CSMD3: variants seen among roughly 807,000 people sequenced by gnomAD.
CSMD3 encodes CUB and Sushi multiple domains 3.
In CSMD3, 177 loss-of-function variants were observed where a neutral mutation model predicts 435.2. That is an observed-to-expected ratio of 0.41 (90% CI 0.36 to 0.46). The LOEUF (loss-of-function observed/expected upper bound fraction) is 0.46. Among genes scored for constraint, CSMD3 ranks in the 20% least tolerant of loss-of-function variants. The pLI is 0.34. For synonymous variants in CSMD3, 1,656 were observed against 1,520.5 expected, an observed-to-expected ratio of 1.09 and a Z score of -2.07; for missense variants, 4,265 against 4,504.6, an observed-to-expected ratio of 0.95 and a Z score of 1.52.
chr8:112,405,038 T>C (rs1441494854), intron 35 of CSMD3, among the ~76,000 whole-genome samples: 1 of 150,286 alleles, frequency 6.7e-6, no homozygotes, highest in African/African-American at 2.5e-5. Flanking sequence ...AATACAAAAA[T>C]TAGCTGGGCA....
chr8:113,228,544 A>C (rs2093052079), intron 3 of CSMD3, among the ~76,000 whole-genome samples: 1 of 151,426 alleles, frequency 6.6e-6, no homozygotes, highest in African/African-American at 2.4e-5. Context: ...AGGGATTTGA[A>C]CTTCCCCTTT....
chr8:113,135,014 T>C (rs1480449), intron 4 of CSMD3, among the ~76,000 whole-genome samples: 3,646 of 152,140 alleles, frequency 0.024, 74 homozygotes, highest in Middle Eastern at 0.048. Context: ...TCCAGTCTCA[T>C]GAGAAAAATA....
intron 61 of CSMD3, among the ~76,000 whole-genome samples, chr8:112,259,906 T>G (rs1404373179): frequency 6.6e-6 from 1 of 152,168 alleles, no homozygotes; most frequent in African/African-American, 2.4e-5. Context: ...CTAACCTACT[T>G]CTGAAGTGTT....
chr8:112,996,784 G>C (rs1404203248), intron 6 of CSMD3, among the ~76,000 whole-genome samples: 1 of 151,140 alleles, frequency 6.6e-6, no homozygotes, highest in Non-Finnish European at 1.5e-5. Flanking sequence ...TAATTCAAAG[G>C]GTTAAATTTA....
At chr8:112,225,000 T>C in intron 70 of CSMD3, 70 bp from the exon 71 acceptor site, 3 of 1,373,998 alleles carry the variant, frequency 2.2e-6, no homozygotes, top group Non-Finnish European at 2.1e-6. Flanking sequence ...AGCTCAAACA[T>C]AATGTACATC....
At chr8:112,897,684 C>G (rs1339238647) in intron 10 of CSMD3, among the ~76,000 whole-genome samples, 4,023 of 87,166 alleles carry the variant, frequency 0.046, 186 homozygotes, top group African/African-American at 0.16. Context: ...CTCTCTCTCT[C>G]TCTCTCTCTC....
At chr8:113,397,277 T>A (rs1195154281) in intron 1 of CSMD3, among the ~76,000 whole-genome samples, 1 of 152,156 alleles carries the variant, frequency 6.6e-6, no homozygotes, top group Non-Finnish European at 1.5e-5. Flanking sequence ...ATGGAGCAAC[T>A]TTTCATGTGT....
intron 5 of CSMD3, among the ~76,000 whole-genome samples, chr8:113,095,145 T>C (rs1046032706): frequency 2.0e-5 from 3 of 152,132 alleles, no homozygotes; most frequent in Admixed American, 6.6e-5. Context: ...AATTTATTCA[T>C]AATATCTGTT....
At chr8:112,524,781 T>C (rs1824685083) in intron 27 of CSMD3, among the ~76,000 whole-genome samples, 1 of 151,960 alleles carries the variant, frequency 6.6e-6, no homozygotes, top group Admixed American at 6.6e-5. Flanking sequence ...ATAAAATAAT[T>C]TCTAAAAAAT....
intron 32 of CSMD3, among the ~76,000 whole-genome samples, chr8:112,467,367 G>C (rs1344655629): frequency 1.3e-5 from 2 of 152,150 alleles, no homozygotes; most frequent in Non-Finnish European, 2.9e-5. Flanking sequence ...TATCTGGAAT[G>C]CTAAACATGA....
At chr8:112,930,853 A>G (rs2083083309) in intron 9 of CSMD3, among the ~76,000 whole-genome samples, 2 of 152,064 alleles carry the variant, frequency 1.3e-5, no homozygotes, top group Admixed American at 6.6e-5. Context: ...TTAAACACTG[A>G]CTACCTATGT....
At chr8:113,429,751 G>A (rs1055371481) in intron 1 of CSMD3, among the ~76,000 whole-genome samples, 3 of 152,092 alleles carry the variant, frequency 2.0e-5, no homozygotes, top group Admixed American at 1.3e-4. Context: ...AGGTAAAGTA[G>A]AAAAAGAATT....
intron 22 of CSMD3, among the ~76,000 whole-genome samples, chr8:112,631,221 C>A (rs1354868612): frequency 6.6e-6 from 1 of 151,994 alleles, no homozygotes; most frequent in African/African-American, 2.4e-5. Flanking sequence ...CAGCCATATC[C>A]AGATTATTGT....
intron 27 of CSMD3, among the ~76,000 whole-genome samples, chr8:112,536,946 A>G (rs1826159129): frequency 6.6e-6 from 1 of 151,668 alleles, no homozygotes; most frequent in African/African-American, 2.4e-5. Flanking sequence ...GCATATTCTC[A>G]CTCGTAGGTG....
chr8:112,767,714 C>G (rs992916958), intron 13 of CSMD3, among the ~76,000 whole-genome samples: 1 of 151,738 alleles, frequency 6.6e-6, no homozygotes, highest in Non-Finnish European at 1.5e-5. Context: ...TCCAACTCTT[C>G]TGTATATGAT....
At chr8:112,258,301 G>C (rs1161955855) in intron 61 of CSMD3, among the ~76,000 whole-genome samples, 2 of 152,150 alleles carry the variant, frequency 1.3e-5, no homozygotes, top group Non-Finnish European at 2.9e-5. Flanking sequence ...AAACTGAAAA[G>C]CTTCTGCACA....
chr8:113,394,719 AT>A (rs2094475468), intron 1 of CSMD3, among the ~76,000 whole-genome samples: 1 of 152,192 alleles, frequency 6.6e-6, no homozygotes, highest in African/African-American at 2.4e-5. Flanking sequence ...AGTGAAAAGA[AT>A]TTTGCTAGAT....
At chr8:112,992,896 G>C (rs1332404894) in intron 6 of CSMD3, among the ~76,000 whole-genome samples, 1 of 151,490 alleles carries the variant, frequency 6.6e-6, no homozygotes, top group Non-Finnish European at 1.5e-5. Flanking sequence ...ATGTGACACA[G>C]TGGCATGTGG....
At chr8:113,101,644 C>T (rs980368782) in intron 4 of CSMD3, among the ~76,000 whole-genome samples, 1 of 151,866 alleles carries the variant, frequency 6.6e-6, no homozygotes, top group African/African-American at 2.4e-5. Flanking sequence ...GATTTTACAG[C>T]AAAATAATTT....
Sources: gnomAD v4.1 joint callset for allele counts (sites outside exome capture counted in the v4.1 genomes callset) on GRCh38, gnomAD v4.1.1 for gene constraint, MANE v1.5 for transcripts, NCBI Gene and HGNC (gene_info 2026-07-23, HGNC 2026-07-21) for gene names.